The following CPEB3 variants were observed in gnomAD, a reference collection of about 807,000 sequenced individuals.
CPEB3 encodes cytoplasmic polyadenylation element-binding protein 3.
A neutral mutation model predicts 67.2 loss-of-function variants in CPEB3; 20 were observed. That is an observed-to-expected ratio of 0.30 (90% CI 0.21 to 0.43). The LOEUF is 0.43. CPEB3 is among the 20% of genes least tolerant of loss of function. CPEB3 has a pLI of 1.00. For missense variants in CPEB3, 746 were observed against 968.6 expected (o/e 0.77, Z 3.05); for synonymous variants, 376 against 393.1 (o/e 0.96, Z 0.51).
chr10:92,212,395 C>T (rs955452846), intron 2 of CPEB3, among the ~76,000 whole-genome samples: 2 of 151,312 alleles, frequency 1.3e-5, no homozygotes, highest in African/African-American at 2.4e-5. Context: ...GGATTACAGG[C>T]ACTCACCACT....
At chr10:92,279,376 A>T (rs1338961366) in intron 1 of CPEB3, among the ~76,000 whole-genome samples, 1 of 152,114 alleles carries the variant, frequency 6.6e-6, no homozygotes, top group Non-Finnish European at 1.5e-5. Context: ...TTTTTCAGTA[A>T]ATTATATTCC....
intron 3 of CPEB3, among the ~76,000 whole-genome samples, chr10:92,182,865 C>G (rs1246646612): frequency 6.7e-6 from 1 of 150,182 alleles, no homozygotes; most frequent in Non-Finnish European, 1.5e-5. Flanking sequence ...AAAACAAAAC[C>G]CTCGCAAGTG....
intron 1 of CPEB3, among the ~76,000 whole-genome samples, chr10:92,279,046 T>C (rs1250625318): frequency 1.3e-5 from 2 of 152,186 alleles, no homozygotes; most frequent in Non-Finnish European, 2.9e-5. Flanking sequence ...TCTTGACTAA[T>C]TGACCTGGCT....
At position 92,240,137 on chromosome 10, in the gene CPEB3, G is replaced by A; in HGVS notation, c.214C>T (p.Gln72Ter). The A allele has an allele frequency of 6.4e-7, 1 of 1,569,914 alleles. No individual in the cohort carries two copies. ...PPAPNGPDKM[Q>*]MESPLLPGLS... ...CCTGGCAGGAGCGGTGATTCCATCT[G>A]CATCTTGTCCGGGCCGTTGGGGGCC... The change falls in exon 2 of 10, where the codon CAG becomes TAG. Residue 72 changes from glutamine (Q) to a stop codon, truncating the protein, a stop_gained. Coordinates refer to ENST00000265997, the MANE Select transcript of CPEB3 (RefSeq NM_014912.5). LOFTEE classifies it high-confidence loss of function.
intron 1 of CPEB3, among the ~76,000 whole-genome samples, chr10:92,277,049 T>C (rs1842022743): frequency 6.6e-6 from 1 of 152,144 alleles, no homozygotes; most frequent in South Asian, 2.1e-4. Flanking sequence ...GAGATTTTTT[T>C]ATATATTCCC....
At chr10:92,168,227 C>T (rs977432835) in intron 4 of CPEB3, among the ~76,000 whole-genome samples, 10 of 152,310 alleles carry the variant, frequency 6.6e-5, no homozygotes, top group African/African-American at 1.7e-4. Flanking sequence ...TGTATTCTCA[C>T]CAACTGAACT....
chr10:92,099,223 CTTTTTTT>C (rs11286697), intron 7 of CPEB3, among the ~76,000 whole-genome samples: 1 of 142,344 alleles, frequency 7.0e-6, no homozygotes, highest in Admixed American at 7.0e-5. Flanking sequence ...GTCTTTTCGT[CTTTTTTT>C]TTTTTTTTGA....
At chr10:92,276,980 C>T (rs937853656) in intron 1 of CPEB3, among the ~76,000 whole-genome samples, 2 of 152,130 alleles carry the variant, frequency 1.3e-5, no homozygotes, top group Non-Finnish European at 2.9e-5. Flanking sequence ...CATTTATATA[C>T]CTTCTTTGGA....
chr10:92,154,059 G>A (rs1347355677), intron 4 of CPEB3, among the ~76,000 whole-genome samples: 1 of 152,112 alleles, frequency 6.6e-6, no homozygotes. Flanking sequence ...GTCTACTTAT[G>A]GACAATAGTT....
Position 92,228,447 on chromosome 10 carries a change from C to A in CPEB3, c.1005+10899G>T, listed in dbSNP as rs533387531. Among the ~76,000 whole-genome samples, 3 of 152,202 alleles carry A rather than the reference C, an allele frequency of 2.0e-5. No homozygotes were observed. The South Asian group carries it at 6.2e-4, about 32-fold the overall frequency. On this transcript the variant is annotated intron_variant, in intron 2 of 9. Coordinates refer to ENST00000265997, the MANE Select transcript of CPEB3 (RefSeq NM_014912.5). Reference sequence around the variant, plus strand: ...GGTGCTTCTAGATACATTTACCTCTCGTCTCCTTTAGTTGCTGCTTATCTG... The same window carrying A: ...GGTGCTTCTAGATACATTTACCTCTAGTCTCCTTTAGTTGCTGCTTATCTG...
intron 1 of CPEB3, among the ~76,000 whole-genome samples, chr10:92,247,676 C>G (rs1351139830): frequency 1.3e-5 from 2 of 152,012 alleles, no homozygotes; most frequent in Admixed American, 1.3e-4. Flanking sequence ...GGATTACAGG[C>G]TAATTTTTAT....
chr10:92,141,814 C>T (rs969923436), intron 6 of CPEB3, among the ~76,000 whole-genome samples: 7 of 150,358 alleles, frequency 4.7e-5, no homozygotes, highest in African/African-American at 1.7e-4. Flanking sequence ...GTCAGGAGAG[C>T]GAGACCATCC....
chr10:92,202,429 C>T (rs1849563554), intron 2 of CPEB3, among the ~76,000 whole-genome samples: 1 of 149,436 alleles, frequency 6.7e-6, no homozygotes. Context: ...AATTTTGGCA[C>T]ATGCATATAA....
intron 1 of CPEB3, among the ~76,000 whole-genome samples, chr10:92,283,479 C>A (rs1001322059): frequency 6.6e-6 from 1 of 152,130 alleles, no homozygotes; most frequent in Non-Finnish European, 1.5e-5. Flanking sequence ...CTGCCCAAAT[C>A]AAATCACCAA....
intron 1 of CPEB3, among the ~76,000 whole-genome samples, chr10:92,283,679 C>T (rs957943191): frequency 1.4e-4 from 21 of 151,804 alleles, no homozygotes; most frequent in African/African-American, 4.8e-4. Flanking sequence ...GTTAACTTCC[C>T]AGTTCCTACA....
chr10:92,174,213 T>TC (rs1848126964), intron 4 of CPEB3, among the ~76,000 whole-genome samples: 1 of 152,232 alleles, frequency 6.6e-6, no homozygotes. Flanking sequence ...GCTGAGCCTC[T>TC]CCCCAAGGAG....
intron 9 of CPEB3, among the ~76,000 whole-genome samples, chr10:92,061,419 CAAAAAAAAAAAAAA>C (rs148327302): frequency 1.1e-5 from 1 of 93,348 alleles, no homozygotes; most frequent in Non-Finnish European, 2.2e-5. Context: ...AATTCTGTCT[CAAAAAAAAAAAAAA>C]AAAAAAAAAA....
chr10:92,095,982 T>C (rs1843855639), intron 7 of CPEB3, among the ~76,000 whole-genome samples: 1 of 151,682 alleles, frequency 6.6e-6, no homozygotes, highest in African/African-American at 2.4e-5. Flanking sequence ...TTCAAGCAAT[T>C]TTCCTGCCTC....
chr10:92,116,586 A>G (rs1381224943), intron 6 of CPEB3, among the ~76,000 whole-genome samples: 2 of 152,138 alleles, frequency 1.3e-5, no homozygotes, highest in African/African-American at 2.4e-5. Context: ...AAAATTATCA[A>G]CTTCCTCTGC....
Sources: allele counts gnomAD v4.1 joint callset (sites outside exome capture counted in the v4.1 genomes callset), GRCh38; gene constraint gnomAD v4.1.1; transcripts MANE v1.5; gene names NCBI Gene and HGNC (gene_info 2026-07-23, HGNC 2026-07-21).